The following C2CD3 variants were observed in gnomAD, a reference collection of about 807,000 sequenced individuals.
The protein encoded by C2CD3 is C2 domain containing 3 centriole elongation regulator.
C2CD3 carries 148 observed loss-of-function variants against 234.0 expected under a neutral mutation model. The ratio of observed to expected loss-of-function variants is 0.63; its 90% CI spans 0.55 to 0.72. C2CD3 has a LOEUF of 0.72. C2CD3 is among the 30% of genes least tolerant of loss of function. The pLI is 0.00. For synonymous variants in C2CD3, 1,000 were observed against 1,035.4 expected (o/e 0.97, Z 0.66); for missense variants, 2,577 against 2,811.5 (o/e 0.92, Z 1.89).
chr11:74,120,809 A>G (rs138306605), intron 8 of C2CD3, among the ~76,000 whole-genome samples: 2 of 152,294 alleles, frequency 1.3e-5, no homozygotes, highest in Non-Finnish European at 2.9e-5. Flanking sequence ...TCAGATGGCT[A>G]AGAGCATTTC....
intron 11 of C2CD3, 25 bp downstream of exon 11, chr11:74,113,755 T>C (rs372619137): frequency 1.8e-5 from 23 of 1,269,432 alleles, no homozygotes; most frequent in Non-Finnish European, 2.5e-5. Flanking sequence ...ATGTCTAAGG[T>C]GCAGAAAACC....
chr11:74,055,478 G>A (rs902842554), intron 25 of C2CD3, among the ~76,000 whole-genome samples: 11 of 152,192 alleles, frequency 7.2e-5, no homozygotes, highest in Non-Finnish European at 1.0e-4. Context: ...AAAACCAAGA[G>A]GCTTGATTTC....
intron 7 of C2CD3, among the ~76,000 whole-genome samples, chr11:74,126,515 G>A (rs566584455): frequency 1.3e-5 from 2 of 152,280 alleles, no homozygotes; most frequent in African/African-American, 2.4e-5. Context: ...GGCCGAGGCC[G>A]GCGGAAGACT....
intron 11 of C2CD3, chr11:74,109,358 G>T: frequency 2.0e-6 from 1 of 489,380 alleles, no homozygotes; most frequent in Non-Finnish European, 3.6e-6. Flanking sequence ...GTACACAGAA[G>T]ACAGGCAGTG....
intron 7 of C2CD3, among the ~76,000 whole-genome samples, chr11:74,125,612 TTTAG>T (rs1203823461): frequency 6.6e-6 from 1 of 152,214 alleles, no homozygotes; most frequent in Admixed American, 6.5e-5. Context: ...ATCTTCTCTA[TTTAG>T]TTATATTACA....
intron 30 of C2CD3, among the ~76,000 whole-genome samples, chr11:74,035,820 T>C (rs1952715111): frequency 6.6e-6 from 1 of 152,102 alleles, no homozygotes; most frequent in African/African-American, 2.4e-5. Context: ...GAACTTTCCA[T>C]TTCTTCCAGG....
At position 74,103,546 on chromosome 11, in the gene C2CD3, G is replaced by T. The variant is rs748897019; in HGVS notation, c.2165C>A (p.Pro722Gln). 1 of 1,613,814 alleles carries T rather than the reference G, an allele frequency of 6.2e-7. No homozygotes were observed. Among genetic ancestry groups the T allele is most frequent in the South Asian group, 1.1e-5 (1 of 91,076 alleles). ...TKLSGNTHYT[P>Q]LCAPTSPNKA... is the part of the protein sequence containing the mutation. ...ATTTGGACTTGTAGGAGCACAAAGT[G>T]GGGTATAATGGGTGTTGCCACTTAA... is the stretch of plus-strand genomic sequence containing the variant. Residue 722 changes from proline to glutamine, a missense_variant, in exon 14 of 33, where the codon CCA (proline) becomes CAA (glutamine). By Grantham distance (76) the Pro-to-Gln change is moderately conservative. Coordinates refer to ENST00000334126, the MANE Select transcript of C2CD3 (RefSeq NM_001286577.2).
intron 15 of C2CD3, among the ~76,000 whole-genome samples, chr11:74,100,015 G>C (rs1236926451): frequency 6.6e-6 from 1 of 152,170 alleles, no homozygotes; most frequent in African/African-American, 2.4e-5. Context: ...AATCAAATCT[G>C]AAGGTCTAAA....
chr11:74,051,794 AAGCTCTGTGAGGAC>A (rs1953705257), intron 26 of C2CD3, among the ~76,000 whole-genome samples: 1 of 152,160 alleles, frequency 6.6e-6, no homozygotes, highest in Non-Finnish European at 1.5e-5. Flanking sequence ...CACTGACTGT[AAGCTCTGTGAGGAC>A]AGGGACCATG....
chr11:74,151,176 G>A (rs1050124796), intron 3 of C2CD3, among the ~76,000 whole-genome samples: 60 of 152,012 alleles, frequency 3.9e-4, no homozygotes, highest in African/African-American at 1.4e-3. Flanking sequence ...CGCCCGCCTC[G>A]GCCTCCCAAA....
At chr11:74,049,272 G>C (rs112849232) in intron 27 of C2CD3, 65 bp downstream of exon 27, 3 of 1,357,592 alleles carry the variant, frequency 2.2e-6, no homozygotes, top group African/African-American at 2.9e-5. Flanking sequence ...CCAAACATGA[G>C]TAAAGGATGT....
At chr11:74,063,531 ATGATTATC>A (rs1954354655) in intron 24 of C2CD3, among the ~76,000 whole-genome samples, 1 of 152,216 alleles carries the variant, frequency 6.6e-6, no homozygotes, top group Non-Finnish European at 1.5e-5. Flanking sequence ...CAAAAACCAC[ATGATTATC>A]TCAATAGATG....
chr11:74,097,716 C>T (rs960166993), intron 16 of C2CD3, among the ~76,000 whole-genome samples: 4 of 152,220 alleles, frequency 2.6e-5, no homozygotes, highest in African/African-American at 9.6e-5. Context: ...GATCACTCTC[C>T]ACTCCCAATC....
At chr11:74,097,002 T>C (rs1199730481) in intron 16 of C2CD3, among the ~76,000 whole-genome samples, 1 of 151,742 alleles carries the variant, frequency 6.6e-6, no homozygotes, top group Non-Finnish European at 1.5e-5. Flanking sequence ...ATATGTAAGT[T>C]ACCAGGCCCA....
chr11:74,032,945 A>C (rs1952582592), intron 31 of C2CD3, among the ~76,000 whole-genome samples: 1 of 151,928 alleles, frequency 6.6e-6, no homozygotes, highest in South Asian at 2.1e-4. Context: ...TACCTAAAAG[A>C]CTTGTGATGA....
chr11:74,143,967 T>C (rs1389479713), intron 3 of C2CD3, among the ~76,000 whole-genome samples: 1 of 152,210 alleles, frequency 6.6e-6, no homozygotes, highest in African/African-American at 2.4e-5. Flanking sequence ...TTACAGTTTT[T>C]AAAGAATTGG....
In C2CD3 at chr11:74,037,531, C is replaced by T. The variant is rs907990465; in HGVS notation, c.5828G>A (p.Cys1943Tyr). 3.1e-6 allele frequency: 5 copies of T among 1,614,000 alleles called. No homozygotes were observed. The African/African-American group carries it at 6.7e-5, about 22-fold the overall frequency. ...GASSLDPGSQ[C>Y]ILEKSSNLVL... ...CAGGTTACTGGATTTCTCCAGGATACACTGGCTCCCAGGGTCTAGGCTGCT... is the reference window on the plus strand; with the variant it reads ...CAGGTTACTGGATTTCTCCAGGATATACTGGCTCCCAGGGTCTAGGCTGCT... Residue 1943 changes from cysteine to tyrosine, a missense_variant, in exon 30 of 33, where the codon TGT (cysteine) becomes TAT (tyrosine). Transcript: ENST00000334126.
Position 74,168,618 on chromosome 11 carries a change from A to T in C2CD3, c.56-5T>A. The T allele has an allele frequency of 3.1e-6, 5 of 1,606,096 alleles. No homozygotes were observed. The highest frequency in any genetic ancestry group is 4.3e-6 in the Non-Finnish European group (5 of 1,175,948). On this transcript the variant is annotated splice_region_variant and splice_polypyrimidine_tract_variant and intron_variant, in intron 1 of 32. Transcript: ENST00000334126. Reference sequence around the variant, plus strand: ...ATGGAGAAATGTCACTTAAACCTGTAGAGGAATCCAAGAAAACTGAGTCAA... The same window carrying T: ...ATGGAGAAATGTCACTTAAACCTGTTGAGGAATCCAAGAAAACTGAGTCAA...
intron 26 of C2CD3, among the ~76,000 whole-genome samples, chr11:74,054,073 C>G (rs1953833814): frequency 6.6e-6 from 1 of 151,964 alleles, no homozygotes; most frequent in African/African-American, 2.4e-5. Flanking sequence ...GAGATCGAGA[C>G]CACCCTGGCT....
Sources: allele counts gnomAD v4.1 joint callset (sites outside exome capture counted in the v4.1 genomes callset), GRCh38; gene constraint gnomAD v4.1.1; transcripts MANE v1.5; gene names NCBI Gene and HGNC (gene_info 2026-07-23, HGNC 2026-07-21).